FASTKD2: variants seen among roughly 807,000 people sequenced by gnomAD.
The protein encoded by FASTKD2 is FAST kinase domain-containing protein 2, mitochondrial.
Under a neutral mutation model 63.6 loss-of-function variants are expected in FASTKD2, and 51 were observed. The ratio of observed to expected loss-of-function variants is 0.80; its 90% CI spans 0.64 to 1.01. The LOEUF is 1.01. Ranked by LOEUF, FASTKD2 falls within the 50% of genes least tolerant of loss-of-function variation. The probability of loss-of-function intolerance (pLI) is 0.00; values close to 1 mark genes in which losing one functional copy is unlikely to be tolerated. For synonymous variants in FASTKD2, 284 were observed against 293.4 expected, an observed-to-expected ratio of 0.97 and a Z score of 0.33; for missense variants, 786 against 831.1, an observed-to-expected ratio of 0.95 and a Z score of 0.67.
intron 7 of FASTKD2, among the ~76,000 whole-genome samples, chr2:206,785,834 T>C (rs1449721033): frequency 6.6e-6 from 1 of 152,184 alleles, no homozygotes; most frequent in Non-Finnish European, 1.5e-5. Flanking sequence ...GATTTCAGTC[T>C]CATTGTTAAC....
chr2:206,788,697 A>T (rs1443180649), intron 9 of FASTKD2, 122 bp from the exon 10 acceptor site: 2 of 644,626 alleles, frequency 3.1e-6, no homozygotes, highest in Non-Finnish European at 2.7e-6. Context: ...ACACTACTGC[A>T]CTCCAGCCTG....
At chr2:206,771,124 G>T (rs1689668428) in intron 3 of FASTKD2, 58 bp from the exon 4 acceptor site, 2 of 1,087,416 alleles carry the variant, frequency 1.8e-6, no homozygotes, top group Admixed American at 1.8e-5. Context: ...GAAATTTTAA[G>T]ATTTTTCTTC....
Position 206,766,719 on chromosome 2 carries a change from G to A in FASTKD2, c.26G>A (p.Gly9Glu), listed in dbSNP as rs1689492818. The change falls in exon 2 of 12, where the codon GGA becomes GAA. Residue 9 changes from glycine (G) to glutamate (E), a missense_variant. Gly to Glu is a moderately conservative substitution (Grantham distance 98). Coordinates refer to ENST00000402774, the MANE Select transcript of FASTKD2 (RefSeq NM_001136193.2). Reference sequence around the variant, plus strand: ...ATGTTGACAACTTTGAAGCCATTTGGAAGTGTTTCAGTGGAGAGCAAAATG... The same window carrying A: ...ATGTTGACAACTTTGAAGCCATTTGAAAGTGTTTCAGTGGAGAGCAAAATG... MLTTLKPF[G>E]SVSVESKMNN... is the part of the protein sequence containing the mutation. 1 of 1,613,978 alleles carries A rather than the reference G, an allele frequency of 6.2e-7. No homozygotes were observed. Among genetic ancestry groups the A allele is most frequent in the African/African-American group, 1.3e-5 (1 of 74,904 alleles).
At position 206,790,569 on chromosome 2, in the gene FASTKD2, C is replaced by T. The variant is rs762021402; in HGVS notation, c.1899-3C>T. 1 of 1,545,522 alleles carries T rather than the reference C, an allele frequency of 6.5e-7. No homozygotes were observed. The highest frequency in any genetic ancestry group is 8.9e-7 in the Non-Finnish European group (1 of 1,117,836). Reference sequence around the variant, plus strand: ...TTCTTGTTTTGTTTATTTTTGTTTTCAGAGTAGCTGTGCTATGTGTTTCCA... The same window carrying T: ...TTCTTGTTTTGTTTATTTTTGTTTTTAGAGTAGCTGTGCTATGTGTTTCCA... On this transcript the variant is annotated splice_polypyrimidine_tract_variant and splice_region_variant and intron_variant, in intron 10 of 11. Coordinates refer to ENST00000402774, the MANE Select transcript of FASTKD2 (RefSeq NM_001136193.2).
chr2:206,771,323 T>A (rs1172821782), intron 4 of FASTKD2, 33 bp downstream of exon 4: 2 of 1,295,854 alleles, frequency 1.5e-6, no homozygotes, highest in South Asian at 2.4e-5. Context: ...GTGGATGAGA[T>A]TTGAAAAAAT....
In FASTKD2 at chr2:206,791,857, G is replaced by A. The variant is rs1690295763; in HGVS notation, c.*55G>A. Reference sequence around the variant, plus strand: ...ACATGCATTTGTAAAAATTAATAAAGATGACAAGTCAGTTGTCAATGGAAT... The same window carrying A: ...ACATGCATTTGTAAAAATTAATAAAAATGACAAGTCAGTTGTCAATGGAAT... On this transcript the variant is annotated 3_prime_UTR_variant, in exon 12 of 12. Coordinates refer to ENST00000402774, the MANE Select transcript of FASTKD2 (RefSeq NM_001136193.2). 6.5e-7 allele frequency: 1 copy of A among 1,538,734 alleles called. No individual in the cohort carries two copies. Among genetic ancestry groups the A allele is most frequent in the African/African-American group, 1.4e-5 (1 of 73,542 alleles).
In FASTKD2 at chr2:206,793,220, C is replaced by CAAAA. The variant is rs58656956; in HGVS notation, c.*1446_*1449dup. Among the ~76,000 whole-genome samples the CAAAA allele has an allele frequency of 3.4e-3, 222 of 65,814 alleles. 12 individuals carry two copies. The highest frequency in any genetic ancestry group is 4.2e-3 in the African/African-American group (68 of 16,236). 43.2% of individuals were successfully genotyped at this position (65,814 alleles called of 152,430 possible). On this transcript the variant is annotated 3_prime_UTR_variant, in exon 12 of 12. Coordinates refer to ENST00000402774, the MANE Select transcript of FASTKD2 (RefSeq NM_001136193.2). ...CTGACCACAGAGCGAGACTCTGTCT[C>CAAAA]AAAAAAAAAAAAAAAAAAAAAAAAA...
intron 11 of FASTKD2, 95 bp downstream of exon 11, chr2:206,790,781 A>C (rs532611883): frequency 1.3e-6 from 1 of 797,362 alleles, no homozygotes; most frequent in African/African-American, 1.7e-5. Flanking sequence ...TACTAGGACT[A>C]GAGGAATTGT....
chr2:206,796,139 G>A lies in FASTKD2; in HGVS notation c.*4337G>A, dbSNP rs1338479426. On this transcript the variant is annotated 3_prime_UTR_variant, in exon 12 of 12. Transcript: ENST00000402774. ...GATTGATAAAGATACTACAATATAT[G>A]CACATATATATGTTATAGAATCAAT... Among the ~76,000 whole-genome samples the A allele has an allele frequency of 3.3e-5, 5 of 152,144 alleles. No individual in the cohort carries two copies. Among genetic ancestry groups the A allele is most frequent in the African/African-American group, 4.8e-5 (2 of 41,418 alleles).
Sources: allele counts gnomAD v4.1 joint callset (sites outside exome capture counted in the v4.1 genomes callset), GRCh38; gene constraint gnomAD v4.1.1; transcripts MANE v1.5; gene names NCBI Gene and HGNC (gene_info 2026-07-23, HGNC 2026-07-21).